DTWD1: variants seen among roughly 807,000 people sequenced by gnomAD.
DTWD1 encodes the protein DTW motif tRNA-uridine aminocarboxypropyltransferase 1.
Under a neutral mutation model 30.2 loss-of-function variants are expected in DTWD1, and 27 were observed. The ratio of observed to expected loss-of-function variants is 0.90; its 90% CI spans 0.66 to 1.23. The LOEUF is 1.23. Among genes scored for constraint, DTWD1 ranks in the 50% most tolerant of loss-of-function variants. DTWD1 has a pLI of 0.00. For missense variants in DTWD1, 342 were observed against 348.8 expected, an observed-to-expected ratio of 0.98 and a Z score of 0.15; for synonymous variants, 99 against 113.1, an observed-to-expected ratio of 0.88 and a Z score of 0.79.
chr15:49,634,677 C>T lies in DTWD1; in HGVS notation c.550C>T (p.Gln184Ter), dbSNP rs770108274. 6.2e-7 allele frequency: 1 copy of T among 1,613,456 alleles called. No homozygotes were observed. Among genetic ancestry groups the T allele is most frequent in the Non-Finnish European group, 8.5e-7 (1 of 1,179,714 alleles). The change falls in exon 4 of 5, where the codon CAA becomes TAA. Residue 184 changes from glutamine (Q) to a stop codon, truncating the protein, a stop_gained. Transcript: ENST00000403028. LOFTEE classifies it high-confidence loss of function. ...PSFKRKRTEE[Q>*]EFCDLNDSKC... ...TTTTAAACGCAAAAGAACTGAAGAA[C>T]AAGAGTTCTGTGATTTGAATGACAG...
In DTWD1 at chr15:49,653,110, G is replaced by A. The variant is rs2153355068; in HGVS notation, c.*9532G>A. On this transcript the variant is annotated 3_prime_UTR_variant, in exon 5 of 5. Transcript: ENST00000403028. The stretch of plus-strand genomic sequence containing the variant: ...TAACAGAAATTGGTATCAGGAGTGG[G>A]GTGTTACCATAACAAAAGGTTAAAC... 6.6e-6 allele frequency: 1 copy of A among 152,150 alleles called. No homozygotes were observed. The highest frequency in any genetic ancestry group is 2.1e-4 in the South Asian group (1 of 4,818). The allele number at this position is 152,150 out of a possible 1,614,324, so 9.4% of individuals were successfully genotyped here.
intron 1 of DTWD1, among the ~76,000 whole-genome samples, chr15:49,621,601 C>T (rs902292458): frequency 1.3e-5 from 2 of 152,018 alleles, no homozygotes; most frequent in African/African-American, 4.8e-5. Context: ...CTGTTTCTTA[C>T]GTCTAAATTA....
rs1446855058 is a variant in DTWD1, at chr15:49,646,912, G to A, written c.*3334G>A. The A allele has an allele frequency of 2.0e-5, 3 of 152,140 alleles. No individual in the cohort carries two copies. Among genetic ancestry groups the A allele is most frequent in the Non-Finnish European group, 4.4e-5 (3 of 68,030 alleles). The allele number at this position is 152,140 out of a possible 1,614,324, so 9.4% of individuals were successfully genotyped here. On this transcript the variant is annotated 3_prime_UTR_variant, in exon 5 of 5. Coordinates refer to ENST00000403028, the MANE Select transcript of DTWD1 (RefSeq NM_001144955.2). ...CTTTAGGGTCTCTTTTTCTAGGGAA[G>A]TCAGGTGTTTTAGTCTGGATTTAGT...
At chr15:49,625,707 C>T (rs946190603) in intron 2 of DTWD1, among the ~76,000 whole-genome samples, 2 of 152,150 alleles carry the variant, frequency 1.3e-5, no homozygotes, top group East Asian at 3.9e-4. Context: ...CTGTGTCCTT[C>T]CCTTATTGGC....
At chr15:49,639,112 GTGC>G (rs2079036035) in intron 4 of DTWD1, among the ~76,000 whole-genome samples, 1 of 152,124 alleles carries the variant, frequency 6.6e-6, no homozygotes, top group Non-Finnish European at 1.5e-5. Flanking sequence ...CTGTCAGTGA[GTGC>G]TGTGTCCTAT....
intron 4 of DTWD1, among the ~76,000 whole-genome samples, chr15:49,641,825 A>T (rs1388483067): frequency 1.3e-5 from 2 of 151,910 alleles, no homozygotes; most frequent in African/African-American, 4.8e-5. Flanking sequence ...TTTGTATATG[A>T]TCTGTCCCTT....
At chr15:49,632,471 T>C (rs977154013) in intron 3 of DTWD1, among the ~76,000 whole-genome samples, 169 bp downstream of exon 3, 7 of 152,264 alleles carry the variant, frequency 4.6e-5, no homozygotes, top group African/African-American at 1.4e-4. Flanking sequence ...TCTTCAAAGA[T>C]CAGATGTTTC....
At position 49,643,312 on chromosome 15, in the gene DTWD1, T is replaced by TC; in HGVS notation, c.668-19_668-18insC. 1 of 1,397,156 alleles carries TC rather than the reference T, an allele frequency of 7.2e-7. No individual in the cohort carries two copies. Among genetic ancestry groups the TC allele is most frequent in the South Asian group, 1.7e-5 (1 of 59,558 alleles). 86.5% of individuals were successfully genotyped at this position (1,397,156 alleles called of 1,614,324 possible). ...ATTTTTTCTTTCTTTCTTTCTTTTT[T>TC]TTTTTTTTTTTTTGACAGGGTTGTT... On this transcript the variant is annotated intron_variant, in intron 4 of 4. Transcript: ENST00000403028.
chr15:49,653,196 T>G lies in DTWD1; in HGVS notation c.*9618T>G, dbSNP rs190938986. On this transcript the variant is annotated 3_prime_UTR_variant, in exon 5 of 5. Coordinates refer to ENST00000403028, the MANE Select transcript of DTWD1 (RefSeq NM_001144955.2). Reference sequence around the variant, plus strand: ...AGTTAAGCACTTTGAAATGTAGAGATTATCCTGAATTATCTAGGTAGGCTC... The same window carrying G: ...AGTTAAGCACTTTGAAATGTAGAGAGTATCCTGAATTATCTAGGTAGGCTC... The G allele has an allele frequency of 3.3e-5, 5 of 152,236 alleles. No individual in the cohort carries two copies. Among genetic ancestry groups the G allele is most frequent in the Admixed American group, 3.3e-4 (5 of 15,276 alleles). The allele number at this position is 152,236 out of a possible 1,614,324, so 9.4% of individuals were successfully genotyped here.
In DTWD1 at chr15:49,651,593, T is replaced by C. The variant is rs2079152616; in HGVS notation, c.*8015T>C. ...AACACAGACAATACTGCACCCCTGA[T>C]ATAATACCATTCTTCAATATCAAGT... is the stretch of plus-strand genomic sequence containing the variant. On this transcript the variant is annotated 3_prime_UTR_variant, in exon 5 of 5. Coordinates refer to ENST00000403028, the MANE Select transcript of DTWD1 (RefSeq NM_001144955.2). The C allele has an allele frequency of 6.6e-6, 1 of 151,894 alleles. No individual in the cohort carries two copies. Among genetic ancestry groups the C allele is most frequent in the African/African-American group, 2.4e-5 (1 of 41,184 alleles). The allele number at this position is 151,894 out of a possible 1,614,324, so 9.4% of individuals were successfully genotyped here.
intron 2 of DTWD1, among the ~76,000 whole-genome samples, chr15:49,626,400 C>T (rs1266716773): frequency 9.9e-5 from 15 of 151,956 alleles, no homozygotes; most frequent in Admixed American, 7.9e-4. Flanking sequence ...GATTTTAAGC[C>T]CGATTTGATT....
Position 49,641,472 on chromosome 15 carries a change from G to T in DTWD1, c.668-1859G>T, listed in dbSNP as rs554530503. ...GTTAATATCATTATTTTTGTCTGTC[G>T]TTTATTGTCAGTCTACAAATTAGAT... On this transcript the variant is annotated intron_variant, in intron 4 of 4. Coordinates refer to ENST00000403028, the MANE Select transcript of DTWD1 (RefSeq NM_001144955.2). Among the ~76,000 whole-genome samples, 9 of 151,868 alleles carry T rather than the reference G, an allele frequency of 5.9e-5. No homozygotes were observed. In the East Asian group the frequency reaches 1.7e-3, roughly 29 times the overall value.
Position 49,649,418 on chromosome 15 carries a change from A to G in DTWD1, c.*5840A>G, listed in dbSNP as rs958478196. On this transcript the variant is annotated 3_prime_UTR_variant, in exon 5 of 5. Coordinates refer to ENST00000403028, the MANE Select transcript of DTWD1 (RefSeq NM_001144955.2). ...GTTTTCCAGTAAAACGGAGAAGGAA[A>G]CCAAAAACCAAAAAAGAGAGCATTA... 1.3e-5 allele frequency: 2 copies of G among 152,212 alleles called. No homozygotes were observed. Among genetic ancestry groups the G allele is most frequent in the Non-Finnish European group, 2.9e-5 (2 of 68,066 alleles). 9.4% of individuals were successfully genotyped at this position (152,212 alleles called of 1,614,324 possible). A position where few individuals can be genotyped will look rare whatever the true frequency, so the allele number is the denominator to read the frequency against.
chr15:49,635,424 T>C (rs2078987872), intron 4 of DTWD1, among the ~76,000 whole-genome samples: 1 of 152,226 alleles, frequency 6.6e-6, no homozygotes, highest in Non-Finnish European at 1.5e-5. Context: ...TGAATACATT[T>C]ACTAAGAAGT....
chr15:49,624,484 T>C (rs760474947), intron 1 of DTWD1, among the ~76,000 whole-genome samples: 2 of 152,212 alleles, frequency 1.3e-5, no homozygotes, highest in Non-Finnish European at 2.9e-5. Context: ...TGTATGTTTT[T>C]AAAAAACATA....
chr15:49,626,616 T>C, intron 2 of DTWD1: 1 of 308,586 alleles, frequency 3.2e-6, no homozygotes, highest in Non-Finnish European at 6.8e-6. Context: ...CATGGACTCA[T>C]TAGAACTTGC....
rs143529559 is a variant in DTWD1 at position 49,651,813 on chromosome 15, A to G, written c.*8235A>G. The G allele has an allele frequency of 2.0e-5, 3 of 152,192 alleles. No homozygotes were observed. Among genetic ancestry groups the G allele is most frequent in the African/African-American group, 7.2e-5 (3 of 41,544 alleles). The allele number at this position is 152,192 out of a possible 1,614,324, so 9.4% of individuals were successfully genotyped here. On this transcript the variant is annotated 3_prime_UTR_variant, in exon 5 of 5. Coordinates refer to ENST00000403028, the MANE Select transcript of DTWD1 (RefSeq NM_001144955.2). ...CATATCAGATCCGGAAACCTATTTT[A>G]TGGAAAACCAAGCGCAGGAGTGGAC...
intron 2 of DTWD1, among the ~76,000 whole-genome samples, chr15:49,625,707 C>G (rs946190603): frequency 2.0e-5 from 3 of 152,150 alleles, no homozygotes; most frequent in African/African-American, 4.8e-5. Flanking sequence ...CTGTGTCCTT[C>G]CCTTATTGGC....
chr15:49,630,960 A>G (rs1448957090), intron 2 of DTWD1: 4 of 446,680 alleles, frequency 9.0e-6, no homozygotes, highest in South Asian at 1.6e-5. Flanking sequence ...CCTTAGGAGA[A>G]TCCAATGCCT....
Sources: gnomAD v4.1 joint callset for allele counts (sites outside exome capture counted in the v4.1 genomes callset) on GRCh38, gnomAD v4.1.1 for gene constraint, MANE v1.5 for transcripts, NCBI Gene and HGNC (gene_info 2026-07-23, HGNC 2026-07-21) for gene names.